Variants in PROS1 observed in about 807,000 individuals in gnomAD.
PROS1 encodes vitamin K-dependent protein S.
A neutral mutation model predicts 75.9 loss-of-function variants in PROS1; 29 were observed. That is an observed-to-expected ratio of 0.38 (90% CI 0.28 to 0.52). PROS1 has a LOEUF of 0.52. Among genes scored for constraint, PROS1 ranks in the 20% least tolerant of loss-of-function variants. The probability of loss-of-function intolerance (pLI) is 0.83; values close to 1 mark genes in which losing one functional copy is unlikely to be tolerated. For missense variants in PROS1, 680 were observed against 810.3 expected (o/e 0.84, Z 1.95); for synonymous variants, 245 against 280.6 (o/e 0.87, Z 1.27).
chr3:93,925,737 T>C (rs1179232097), intron 2 of PROS1, among the ~76,000 whole-genome samples: 1 of 150,576 alleles, frequency 6.6e-6, no homozygotes, highest in African/African-American at 2.4e-5. Context: ...GACGGGAGGA[T>C]TGCCTGAGCG....
chr3:93,911,814 C>T (rs1325773164), intron 3 of PROS1, among the ~76,000 whole-genome samples: 1 of 152,240 alleles, frequency 6.6e-6, no homozygotes, highest in Non-Finnish European at 1.5e-5. Flanking sequence ...CTATCATATT[C>T]TGTTGATCAA....
intron 1 of PROS1, among the ~76,000 whole-genome samples, chr3:93,942,361 TA>T: frequency 6.6e-6 from 1 of 152,304 alleles, no homozygotes; most frequent in South Asian, 2.1e-4. Context: ...GTTGCCTCAC[TA>T]TGCAAAGGTC....
intron 6 of PROS1, among the ~76,000 whole-genome samples, chr3:93,902,931 A>T (rs530484088): frequency 1.3e-4 from 20 of 151,858 alleles, no homozygotes; most frequent in Non-Finnish European, 2.8e-4. Context: ...ATCTGTTGTG[A>T]TCTCAGCTCA....
rs1708747258 is a variant in PROS1 at position 93,910,669 on chromosome 3, G to C, written c.296C>G (p.Ala99Gly). 4 of 1,613,586 alleles carry C rather than the reference G, an allele frequency of 2.5e-6. No homozygotes were observed. In the East Asian group the frequency reaches 8.9e-5, roughly 36 times the overall value. ...ATAAGCATTAGTTGACTGACGTGCA[G>C]CAGTGAATAACCCAGTTTGAAAAGA... is the stretch of plus-strand genomic sequence containing the variant. ...LRSFQTGLFTAARQSTNAYPD... is the reference protein window; with the variant it reads ...LRSFQTGLFTGARQSTNAYPD... The change falls in exon 4 of 15, where the codon GCT (alanine) becomes GGT (glycine). Residue 99 changes from alanine (A) to glycine (G), a missense_variant. Coordinates refer to ENST00000394236, the MANE Select transcript of PROS1 (RefSeq NM_000313.4).
intron 1 of PROS1, among the ~76,000 whole-genome samples, chr3:93,943,150 C>T (rs1328126541): frequency 2.0e-5 from 3 of 152,072 alleles, no homozygotes; most frequent in African/African-American, 4.8e-5. Context: ...TTCAGTAGAA[C>T]CTTCATACCC....
At chr3:93,946,838 GAAAAAAAAAAA>G (rs769904782) in intron 1 of PROS1, among the ~76,000 whole-genome samples, 4 of 64,010 alleles carry the variant, frequency 6.2e-5, no homozygotes, top group Non-Finnish European at 6.4e-5. Flanking sequence ...CTTCTGCACA[GAAAAAAAAAAA>G]AAAAAAAAAC....
intron 1 of PROS1, among the ~76,000 whole-genome samples, chr3:93,946,929 G>GCTAA (rs1709411211): frequency 6.6e-6 from 1 of 151,356 alleles, no homozygotes; most frequent in East Asian, 1.9e-4. Flanking sequence ...CTGACAAAGG[G>GCTAA]CTAATATCCA....
At chr3:93,899,675 A>T (rs1708557321) in intron 7 of PROS1, among the ~76,000 whole-genome samples, 2 of 152,288 alleles carry the variant, frequency 1.3e-5, no homozygotes, top group African/African-American at 4.8e-5. Context: ...CAAAATCTCA[A>T]AAGCAGCATA....
chr3:93,917,142 G>A (rs918948127), intron 3 of PROS1, among the ~76,000 whole-genome samples: 5 of 152,106 alleles, frequency 3.3e-5, no homozygotes, highest in Admixed American at 1.3e-4. Flanking sequence ...TATTATGATC[G>A]CTGGTGTTTG....
At chr3:93,931,578 T>C (rs1220482581) in intron 1 of PROS1, among the ~76,000 whole-genome samples, 1 of 152,210 alleles carries the variant, frequency 6.6e-6, no homozygotes. Context: ...CTAGAATTAC[T>C]TTGGTGCCTC....
chr3:93,922,125 T>G (rs1250379829), intron 3 of PROS1, among the ~76,000 whole-genome samples: 1 of 152,204 alleles, frequency 6.6e-6, no homozygotes, highest in Non-Finnish European at 1.5e-5. Context: ...TTTATTTTGT[T>G]ATTATTAGTG....
At chr3:93,890,455 C>T (rs1282352540) in intron 10 of PROS1, among the ~76,000 whole-genome samples, 1 of 152,174 alleles carries the variant, frequency 6.6e-6, no homozygotes, top group Non-Finnish European at 1.5e-5. Context: ...GACCTACTCC[C>T]TGTTCTTACA....
At chr3:93,892,882 T>C in intron 10 of PROS1, 51 bp downstream of exon 10, 2 of 1,559,916 alleles carry the variant, frequency 1.3e-6, no homozygotes, top group Non-Finnish European at 1.8e-6. Flanking sequence ...ATTATGATTT[T>C]ATACAGACTG....
intron 12 of PROS1, among the ~76,000 whole-genome samples, chr3:93,881,575 T>TG (rs397990530): frequency 2.7e-5 from 4 of 149,714 alleles, no homozygotes; most frequent in Non-Finnish European, 4.4e-5. Context: ...TTTTTTTTTT[T>TG]GTGAGACATG....
In PROS1 at chr3:93,973,687, G is replaced by A. The variant is rs1203300710; in HGVS notation, c.63C>T (p.Val21=). 1 of 1,613,860 alleles carries A rather than the reference G, an allele frequency of 6.2e-7. No individual in the cohort carries two copies. The highest frequency in any genetic ancestry group is 8.5e-7 in the Non-Finnish European group (1 of 1,179,930). The stretch of plus-strand genomic sequence containing the variant: ...TTGATTACTCACAGTTTGCCTCTGA[G>A]ACGGGAAGCACTAGGAGGAGACACG... ...LLACLLLVLP[V]SEANFLSKQQ... is the part of the protein sequence containing the mutation. Residue 21 remains valine (V), a synonymous_variant, in exon 1 of 15, where the codon GTC becomes GTT. Transcript: ENST00000394236.
Position 93,917,485 on chromosome 3 carries a change from C to T in PROS1, c.259+6755G>A, listed in dbSNP as rs548959943. 3.5e-3 allele frequency among the ~76,000 whole-genome samples: 532 copies of T among 152,316 alleles called. 5 individuals are homozygous for T. The highest frequency in any genetic ancestry group is 0.012 in the African/African-American group (489 of 41,580). On this transcript the variant is annotated intron_variant, in intron 3 of 14. Coordinates refer to ENST00000394236, the MANE Select transcript of PROS1 (RefSeq NM_000313.4). The stretch of plus-strand genomic sequence containing the variant: ...CTTGCAGCCCTCGCTGCTCTGGGCA[C>T]CTTTTCTGCCTGGGCTCCCACTTTG...
chr3:93,912,213 C>A (rs1420352879), intron 3 of PROS1, among the ~76,000 whole-genome samples: 1 of 152,172 alleles, frequency 6.6e-6, no homozygotes, highest in Non-Finnish European at 1.5e-5. Context: ...GGGCTCATGG[C>A]CTCATCCTTG....
intron 10 of PROS1, among the ~76,000 whole-genome samples, chr3:93,887,650 T>A (rs1433251305): frequency 6.6e-6 from 1 of 152,226 alleles, no homozygotes; most frequent in East Asian, 1.9e-4. Flanking sequence ...TAGCAGCATG[T>A]GAACAACTAT....
chr3:93,900,504 T>C (rs1252087089), intron 7 of PROS1, among the ~76,000 whole-genome samples: 1 of 152,216 alleles, frequency 6.6e-6, no homozygotes, highest in Non-Finnish European at 1.5e-5. Context: ...TCTTTATCTT[T>C]GAATATGATA....
Sources: allele counts gnomAD v4.1 joint callset (sites outside exome capture counted in the v4.1 genomes callset), GRCh38; gene constraint gnomAD v4.1.1; transcripts MANE v1.5; gene names NCBI Gene and HGNC (gene_info 2026-07-23, HGNC 2026-07-21).